Variants in SMIM36 observed in about 807,000 individuals in gnomAD.
SMIM36 encodes small integral membrane protein 36.
the SMIM36 span, among the ~76,000 whole-genome samples, chr17:55,519,031 A>T: frequency 3.3e-5 from 5 of 151,392 alleles, no homozygotes; most frequent in African/African-American, 1.2e-4. Flanking sequence ...ATGAGTTAAG[A>T]TCATTAGCAG....
intron 4 of SMIM36, among the ~76,000 whole-genome samples, chr17:55,459,347 C>G (rs1356321041): frequency 6.6e-6 from 1 of 152,060 alleles, no homozygotes; most frequent in African/African-American, 2.4e-5. Context: ...GCAGCTAGGT[C>G]CTAGATTTTT....
chr17:55,525,466 A>G, the SMIM36 span, among the ~76,000 whole-genome samples: 456 of 152,318 alleles, frequency 3.0e-3, 4 homozygotes, highest in Non-Finnish European at 4.5e-3. Context: ...TTGTATGCAC[A>G]ACTAATTTAG....
chr17:55,518,828 T>C, the SMIM36 span, among the ~76,000 whole-genome samples: 6 of 151,660 alleles, frequency 4.0e-5, no homozygotes, highest in Non-Finnish European at 8.8e-5. Context: ...AAAAGGATAA[T>C]ATGAGAGAGA....
the SMIM36 span, among the ~76,000 whole-genome samples, chr17:55,524,136 A>G: frequency 6.6e-6 from 1 of 152,040 alleles, no homozygotes; most frequent in East Asian, 1.9e-4. Flanking sequence ...ATAAATTCTC[A>G]TCATTCAGCT....
At chr17:55,498,617 G>C (rs4583312) in intron 1 of SMIM36, among the ~76,000 whole-genome samples, 89,835 of 151,202 alleles carry the variant, frequency 0.59, 28,259 homozygotes, top group African/African-American at 0.81. Flanking sequence ...CTTGCTATGT[G>C]GCCTAGCCTC....
At chr17:55,520,703 G>A in the SMIM36 span, among the ~76,000 whole-genome samples, 1 of 152,162 alleles carries the variant, frequency 6.6e-6, no homozygotes, top group African/African-American at 2.4e-5. Context: ...CTTACGAATA[G>A]TTTATTTCTG....
chr17:55,474,754 T>C (rs975035438), intron 3 of SMIM36, among the ~76,000 whole-genome samples: 1 of 152,150 alleles, frequency 6.6e-6, no homozygotes, highest in African/African-American at 2.4e-5. Flanking sequence ...GCGTGTGGTG[T>C]AAGCATGGTG....
intron 1 of SMIM36, among the ~76,000 whole-genome samples, chr17:55,494,892 A>C: frequency 6.6e-6 from 1 of 152,248 alleles, no homozygotes; most frequent in Non-Finnish European, 1.5e-5. Flanking sequence ...CCACTGGTTT[A>C]GAGAACGAGC....
chr17:55,458,920 G>A (rs1293476375), intron 4 of SMIM36, among the ~76,000 whole-genome samples: 2 of 152,248 alleles, frequency 1.3e-5, no homozygotes, highest in Admixed American at 6.5e-5. Context: ...GAAACCCCGG[G>A]GTACAGAAAT....
chr17:55,515,238 C>A (rs1489589274), upstream of SMIM36, among the ~76,000 whole-genome samples: 3 of 151,796 alleles, frequency 2.0e-5, no homozygotes, highest in Non-Finnish European at 2.9e-5. Flanking sequence ...TTTCAAAAGT[C>A]CACTTGTCCC....
At chr17:55,523,529 C>CAAA in the SMIM36 span, among the ~76,000 whole-genome samples, 330 of 62,120 alleles carry the variant, frequency 5.3e-3, 4 homozygotes, top group African/African-American at 0.014. Context: ...GACTCCGTCT[C>CAAA]AAAAAAAAAA....
At chr17:55,474,179 C>T (rs1909388904) in intron 3 of SMIM36, among the ~76,000 whole-genome samples, 2 of 152,230 alleles carry the variant, frequency 1.3e-5, no homozygotes, top group Non-Finnish European at 2.9e-5. Flanking sequence ...AAATAAAGCC[C>T]TTCCTTCTTT....
chr17:55,468,166 C>T (rs79980178), intron 3 of SMIM36: 12,303 of 152,384 alleles, frequency 0.081, 536 homozygotes, highest in South Asian at 0.14. Context: ...TTCACACGGA[C>T]ACGTGTAACA....
At chr17:55,501,309 T>A (rs1256508198) in intron 1 of SMIM36, among the ~76,000 whole-genome samples, 2 of 55,242 alleles carry the variant, frequency 3.6e-5, no homozygotes, top group African/African-American at 1.1e-4. Context: ...TATATTATGT[T>A]ATATATTATA....
chr17:55,520,636 C>T, the SMIM36 span, among the ~76,000 whole-genome samples: 141 of 152,226 alleles, frequency 9.3e-4, 1 homozygote, highest in Admixed American at 1.8e-3. Context: ...CCAGGTAGGG[C>T]GGAGTGGGAC....
At chr17:55,489,091 T>C (rs1909656991) in intron 1 of SMIM36, among the ~76,000 whole-genome samples, 1 of 152,100 alleles carries the variant, frequency 6.6e-6, no homozygotes. Flanking sequence ...AAAACAGAAA[T>C]GTAAGGCCGG....
At chr17:55,460,653 C>T (rs903803824) in intron 4 of SMIM36, among the ~76,000 whole-genome samples, 2 of 152,030 alleles carry the variant, frequency 1.3e-5, no homozygotes, top group South Asian at 2.1e-4. Context: ...GTCAGGAGAT[C>T]GAGACCATCC....
chr17:55,457,125 G>C (rs933749990), intron 4 of SMIM36, among the ~76,000 whole-genome samples: 2 of 152,092 alleles, frequency 1.3e-5, no homozygotes, highest in African/African-American at 4.8e-5. Context: ...GATAAACCAG[G>C]CAGTTTTCAA....
At chr17:55,528,149 T>C in the SMIM36 span, 1 of 152,214 alleles carries the variant, frequency 6.6e-6, no homozygotes, top group Non-Finnish European at 1.5e-5. Flanking sequence ...GTTTGCAATA[T>C]GAAGCCCTTA....
Sources: gnomAD v4.1 joint callset for allele counts (sites outside exome capture counted in the v4.1 genomes callset) on GRCh38, gnomAD v4.1.1 for gene constraint, MANE v1.5 for transcripts, NCBI Gene and HGNC (gene_info 2026-07-23, HGNC 2026-07-21) for gene names.